The following TNFRSF18 variants were observed in gnomAD, a reference collection of about 807,000 sequenced individuals.
TNFRSF18 encodes the protein TNF receptor superfamily member 18, also known as tumor necrosis factor receptor superfamily member 18.
In TNFRSF18, 36 loss-of-function variants were observed where a neutral mutation model predicts 30.2. The observed-to-expected ratio is 1.19, with a 90% CI of 0.91 to 1.58. The LOEUF (loss-of-function observed/expected upper bound fraction) is 1.58, where lower values mean the gene tolerates loss of function less well. TNFRSF18 is among the 40% of genes most tolerant of loss of function. TNFRSF18 has a pLI of 0.00. For missense variants in TNFRSF18, 369 were observed against 345.4 expected, an observed-to-expected ratio of 1.07 and a Z score of -0.54; for synonymous variants, 173 against 158.3, an observed-to-expected ratio of 1.09 and a Z score of -0.70.
At position 1,204,223 on chromosome 1, in the gene TNFRSF18, C is replaced by G; in HGVS notation, c.412G>C (p.Gly138Arg). Residue 138 changes from glycine (G) to arginine (R), a missense_variant, in exon 4 of 5, where the codon GGG (glycine) becomes CGG (arginine). Physicochemically the swap from Gly to Arg is moderately radical, Grantham distance 125. Transcript: ENST00000379268. ...CKPWTDCTQFGFLTVFPGNKT... is the reference protein window; with the variant it reads ...CKPWTDCTQFRFLTVFPGNKT... ...TTCCCAGGGAACACAGTGAGAAACCCGAACTGGGTGCAGCTGGAATACATG... is the reference window on the plus strand; with the variant it reads ...TTCCCAGGGAACACAGTGAGAAACCGGAACTGGGTGCAGCTGGAATACATG... 6.2e-7 allele frequency: 1 copy of G among 1,611,040 alleles called. No homozygotes were observed. Among genetic ancestry groups the G allele is most frequent in the South Asian group, 1.1e-5 (1 of 90,786 alleles).
In TNFRSF18 at chr1:1,205,278, C is replaced by T. The variant is rs1648758375; in HGVS notation, c.310+92G>A. 5 of 1,540,294 alleles carry T rather than the reference C, an allele frequency of 3.2e-6. 1 individual carries two copies. In the South Asian group the frequency reaches 4.8e-5, roughly 15 times the overall value. ...ACTCCGGACCCCACACACCACATGT[C>T]CTCGCCGGACACCTGTGCCCACGAG... On this transcript the variant is annotated intron_variant, in intron 2 of 4. Coordinates refer to ENST00000379268, the MANE Select transcript of TNFRSF18 (RefSeq NM_004195.3).
chr1:1,204,414 C>G lies in TNFRSF18; in HGVS notation c.383G>C (p.Cys128Ser). 1 of 1,612,528 alleles carries G rather than the reference C, an allele frequency of 6.2e-7. No homozygotes were observed. The highest frequency in any genetic ancestry group is 8.5e-7 in the Non-Finnish European group (1 of 1,179,898). ...CAGGACTCACTCTGTCCAAGGTTTG[C>G]AGTGGCCTTCGTGGCCCCCGGAGAA... The part of the protein sequence containing the change: ...GTFSGGHEGH[C>S]KPWTDCTQFG... Residue 128 changes from cysteine to serine, a missense_variant, in exon 3 of 5, where the codon TGC (cysteine) becomes TCC (serine). Physicochemically the swap from Cys to Ser is moderately radical, Grantham distance 112. Coordinates refer to ENST00000379268, the MANE Select transcript of TNFRSF18 (RefSeq NM_004195.3).
Position 1,203,814 on chromosome 1 carries a change from G to A in TNFRSF18, c.*30C>T. On this transcript the variant is annotated 3_prime_UTR_variant, in exon 5 of 5. Transcript: ENST00000379268. Reference sequence around the variant, plus strand: ...GGGAGCTCCTGGGGAGGGGCTGGCTGCGGTCGGTGGCCCCGGAGGACGGCC... The same window carrying A: ...GGGAGCTCCTGGGGAGGGGCTGGCTACGGTCGGTGGCCCCGGAGGACGGCC... 3 of 1,578,690 alleles carry A rather than the reference G, an allele frequency of 1.9e-6. No homozygotes were observed. The highest frequency in any genetic ancestry group is 2.6e-6 in the Non-Finnish European group (3 of 1,168,636).
At chr1:1,206,234 C>T (rs1479964777) in intron 1 of TNFRSF18, 151 bp downstream of exon 1, 5 of 930,100 alleles carry the variant, frequency 5.4e-6, no homozygotes, top group Non-Finnish European at 4.7e-6. Context: ...TCCTGCCTCC[C>T]TCCGGAAGGC....
chr1:1,203,859 T>C lies in TNFRSF18; in HGVS notation c.711A>G (p.Gly237=). ...ERSAEEKGRL[G]DLWV ...ACGGCCAGGCTCACACCCACAGGTCTCCCAGCCGCCCCTTCTCCTCTGCCG... is the reference window on the plus strand; with the variant it reads ...ACGGCCAGGCTCACACCCACAGGTCCCCCAGCCGCCCCTTCTCCTCTGCCG... The change falls in exon 5 of 5, where the codon GGA becomes GGG. Residue 237 remains glycine (G), a synonymous_variant. Transcript: ENST00000379268. 6.3e-7 allele frequency: 1 copy of C among 1,595,600 alleles called. No homozygotes were observed.
rs753868857 is a variant in TNFRSF18 at position 1,203,769 on chromosome 1, C to A, written c.*75G>T. 7 of 1,563,460 alleles carry A rather than the reference C, an allele frequency of 4.5e-6. No individual in the cohort carries two copies. The highest frequency in any genetic ancestry group is 1.7e-4 in the Middle Eastern group (1 of 5,782). On this transcript the variant is annotated 3_prime_UTR_variant, in exon 5 of 5. Transcript: ENST00000379268. ...GAGCAGGGCCCGGCCCAGAGCAGAA[C>A]GCAGAGCCCCTGCGGCCTGGGGAGC...
rs923296129 is a variant in TNFRSF18 at position 1,203,978 on chromosome 1, G to A, written c.602-10C>T. The A allele has an allele frequency of 6.2e-7, 1 of 1,606,580 alleles. No homozygotes were observed. The highest frequency in any genetic ancestry group is 8.5e-7 in the Non-Finnish European group (1 of 1,177,730). ...AGCAGCAGCTGGGTCTCTGCAGGGGGGCCACGGTCAGCAGGCAGCCATGCT... is the reference window on the plus strand; with the variant it reads ...AGCAGCAGCTGGGTCTCTGCAGGGGAGCCACGGTCAGCAGGCAGCCATGCT... On this transcript the variant is annotated splice_polypyrimidine_tract_variant and intron_variant, in intron 4 of 4. Transcript: ENST00000379268.
Position 1,204,113 on chromosome 1 carries a change from G to T in TNFRSF18, c.522C>A (p.Ala174=). 1 of 1,610,798 alleles carries T rather than the reference G, an allele frequency of 6.2e-7. No homozygotes were observed. The highest frequency in any genetic ancestry group is 1.7e-5 in the Admixed American group (1 of 59,768). ...CCGAGGTCAGGAGGAGGACGCAGGC[G>T]GCCACGGCCAGGAGGACGACGGTCA... ...GWLTVVLLAV[A]ACVLLLTSAQ... Residue 174 remains alanine, a synonymous_variant, in exon 4 of 5, where the codon GCC becomes GCA. Coordinates refer to ENST00000379268, the MANE Select transcript of TNFRSF18 (RefSeq NM_004195.3).
In TNFRSF18 at chr1:1,205,428, A is replaced by G. The variant is rs1232903122; in HGVS notation, c.252T>C (p.Pro84=). The change falls in exon 2 of 5, where the codon CCT becomes CCC. Residue 84 remains proline (P), a synonymous_variant. Coordinates refer to ENST00000379268, the MANE Select transcript of TNFRSF18 (RefSeq NM_004195.3). ...GGTGGTGCCGGCAGGTCGTGCAGCAAGGGTCTCCGCAGTGGAATTCAGGCT... is the reference window on the plus strand; with the variant it reads ...GGTGGTGCCGGCAGGTCGTGCAGCAGGGGTCTCCGCAGTGGAATTCAGGCT... The part of the protein sequence containing the change: ...CVQPEFHCGD[P]CCTTCRHHPC... The G allele has an allele frequency of 1.9e-6, 3 of 1,612,504 alleles. No individual in the cohort carries two copies. The highest frequency in any genetic ancestry group is 2.5e-6 in the Non-Finnish European group (3 of 1,179,852).
rs750335700 is a variant in TNFRSF18 at position 1,203,659 on chromosome 1, T to C, written c.*185A>G. 6.4e-7 allele frequency: 1 copy of C among 1,550,950 alleles called. No individual in the cohort carries two copies. Among genetic ancestry groups the C allele is most frequent in the South Asian group, 1.2e-5 (1 of 82,228 alleles). On this transcript the variant is annotated 3_prime_UTR_variant, in exon 5 of 5. Transcript: ENST00000379268. ...CATGACTGTGTCTCTCTCTCCCTCC[T>C]GCAGGGCCCAGCCGCGGCCGCCGAA... is the stretch of plus-strand genomic sequence containing the variant.
chr1:1,206,268 C>T, intron 1 of TNFRSF18, 117 bp downstream of exon 1: 1 of 1,223,940 alleles, frequency 8.2e-7, no homozygotes, highest in Admixed American at 2.6e-5. Context: ...GGCTCTGTGC[C>T]CACCCTCCTT....
At position 1,206,060 on chromosome 1, in the gene TNFRSF18, G is replaced by A. The variant is rs746964456; in HGVS notation, c.187+325C>T. Among the ~76,000 whole-genome samples, 52 of 152,222 alleles carry A rather than the reference G, an allele frequency of 3.4e-4. 2 individuals carry two copies. The highest frequency in any genetic ancestry group is 7.4e-5 in the Non-Finnish European group (5 of 68,016). On this transcript the variant is annotated intron_variant, in intron 1 of 4. Coordinates refer to ENST00000379268, the MANE Select transcript of TNFRSF18 (RefSeq NM_004195.3). ...GGGGCCCTCAACTGGGCAGGAGGGG[G>A]CTGGGCGATGGCCAAGGGCTCACGA...
Position 1,203,943 on chromosome 1 carries a change from C to G in TNFRSF18, c.627G>C (p.Pro209=). 1 of 1,607,008 alleles carries G rather than the reference C, an allele frequency of 6.2e-7. No homozygotes were observed. The highest frequency in any genetic ancestry group is 8.5e-7 in the Non-Finnish European group (1 of 1,178,896). Residue 209 remains proline, a synonymous_variant, in exon 5 of 5, where the codon CCG becomes CCC. Coordinates refer to ENST00000379268, the MANE Select transcript of TNFRSF18 (RefSeq NM_004195.3). ...PRETQLLLEV[P]PSTEDARSCQ... is the part of the protein sequence containing the mutation. ...AGCTTCTGGCGTCTTCGGTCGACGGCGGCACCTCCAGCAGCAGCTGGGTCT... is the reference window on the plus strand; with the variant it reads ...AGCTTCTGGCGTCTTCGGTCGACGGGGGCACCTCCAGCAGCAGCTGGGTCT...
In TNFRSF18 at chr1:1,204,176, G is replaced by A. The variant is rs775051747; in HGVS notation, c.459C>T (p.Cys153=). The change falls in exon 4 of 5, where the codon TGC becomes TGT. Residue 153 remains cysteine, a synonymous_variant. Transcript: ENST00000379268. ...FPGNKTHNAV[C]VPGSPPAEPL... The stretch of plus-strand genomic sequence containing the variant: ...GCTCTGCCGGCGGGGACCCTGGGAC[G>A]CACACAGCGTTGTGGGTCTTGTTCC... 2.3e-5 allele frequency: 37 copies of A among 1,611,810 alleles called. No homozygotes were observed. Among genetic ancestry groups the A allele is most frequent in the East Asian group, 4.5e-5 (2 of 44,864 alleles).
At chr1:1,206,360 C>T (rs1411210182) in intron 1 of TNFRSF18, 25 bp downstream of exon 1, 10 of 1,544,314 alleles carry the variant, frequency 6.5e-6, no homozygotes, top group South Asian at 4.8e-5. Context: ...GGCCGGTCCG[C>T]GTTAAGTAAA....
chr1:1,204,518 G>GGGGGGGGGGGGGGT, intron 2 of TNFRSF18, 32 bp from the exon 3 acceptor site: 1 of 614,674 alleles, frequency 1.6e-6, no homozygotes, highest in Non-Finnish European at 3.1e-6. Context: ...GGGAGGGAGG[G>GGGGGGGGGGGGGGT]AGGCTGGTGG....
rs1363353033 is a variant in TNFRSF18, at chr1:1,204,034, C to T, written c.601G>A (p.Glu201Lys). Residue 201 changes from glutamate (E) to lysine (K), a missense_variant and splice_region_variant, in exon 4 of 5, where the codon GAG (glutamate) becomes AAG (lysine). Transcript: ENST00000379268. ...QLRSQCMWPR[E>K]TQLLLEVPPS... ...CTCCCCGCACCAGGCTGTGACAGAC[C>T]TCGGGGCCACATGCACTGACTCCTC... 3 of 1,606,892 alleles carry T rather than the reference C, an allele frequency of 1.9e-6. No individual in the cohort carries two copies. Among genetic ancestry groups the T allele is most frequent in the African/African-American group, 1.3e-5 (1 of 75,004 alleles).
At position 1,204,956 on chromosome 1, in the gene TNFRSF18, C is replaced by T. The variant is rs376576644; in HGVS notation, c.310+414G>A. 4.5e-3 allele frequency among the ~76,000 whole-genome samples: 691 copies of T among 152,288 alleles called. 3 individuals carry two copies. Among genetic ancestry groups the T allele is most frequent in the Non-Finnish European group, 7.6e-3 (517 of 68,000 alleles). Reference sequence around the variant, plus strand: ...AGCCTGACCTCTCCTGTCAGGTAAACAAGCCGCTAAGAGGACTTGAGCTGC... The same window carrying T: ...AGCCTGACCTCTCCTGTCAGGTAAATAAGCCGCTAAGAGGACTTGAGCTGC... On this transcript the variant is annotated intron_variant, in intron 2 of 4. Coordinates refer to ENST00000379268, the MANE Select transcript of TNFRSF18 (RefSeq NM_004195.3).
In TNFRSF18 at chr1:1,205,509, C is replaced by T. The variant is rs776688364; in HGVS notation, c.188-17G>A. On this transcript the variant is annotated splice_polypyrimidine_tract_variant and intron_variant, in intron 1 of 4. Coordinates refer to ENST00000379268, the MANE Select transcript of TNFRSF18 (RefSeq NM_004195.3). The stretch of plus-strand genomic sequence containing the variant: ...ACTCCTCGCCTGGGCAGGAGACAGG[C>T]CAGCCCCCCAGCAGCTGGGCTGAGG... 30 of 1,606,418 alleles carry T rather than the reference C, an allele frequency of 1.9e-5. No homozygotes were observed. The highest frequency in any genetic ancestry group is 2.5e-5 in the Non-Finnish European group (29 of 1,176,008).
Sources: allele counts gnomAD v4.1 joint callset (sites outside exome capture counted in the v4.1 genomes callset), GRCh38; gene constraint gnomAD v4.1.1; transcripts MANE v1.5; gene names NCBI Gene and HGNC (gene_info 2026-07-23, HGNC 2026-07-21).